ZNF331: variants seen among roughly 807,000 people sequenced by gnomAD.
The protein encoded by ZNF331 is zinc finger protein 331.
A neutral mutation model predicts 7.0 loss-of-function variants in ZNF331; 2 were observed. The ratio of observed to expected loss-of-function variants is 0.29; its 90% CI spans 0.12 to 0.90. The LOEUF is 0.90. ZNF331 is among the 40% of genes least tolerant of loss of function. The pLI is 0.58. For missense variants in ZNF331, 432 were observed against 587.7 expected (o/e 0.74, Z 2.74); for synonymous variants, 196 against 205.4 (o/e 0.95, Z 0.39).
chr19:53,567,849 A>G (rs1002584797), intron 3 of ZNF331, among the ~76,000 whole-genome samples: 10 of 151,774 alleles, frequency 6.6e-5, no homozygotes, highest in African/African-American at 2.4e-4. Flanking sequence ...TTAAAAAAAA[A>G]AAACAAAAAA....
chr19:53,533,561 A>C (rs8106930), upstream of ZNF331, among the ~76,000 whole-genome samples: 6,376 of 152,240 alleles, frequency 0.042, 469 homozygotes, highest in African/African-American at 0.15. Flanking sequence ...CTGCTGAATA[A>C]GTTGTCCTTT....
At chr19:53,521,381 T>A (rs1373535650) in exon 1 of ZNF331, 1 of 150,412 alleles carries the variant, frequency 6.6e-6, no homozygotes, top group African/African-American at 2.5e-5. Context: ...AGAGGCTGCC[T>A]GGTGGGGCCC....
upstream of ZNF331, among the ~76,000 whole-genome samples, chr19:53,515,469 C>T (rs1221238393): frequency 1.3e-5 from 2 of 152,152 alleles, no homozygotes; most frequent in African/African-American, 4.8e-5. Flanking sequence ...CTCCATCCTT[C>T]GTTCATTGTG....
At chr19:53,553,386 A>T (rs1331282883) in intron 2 of ZNF331, among the ~76,000 whole-genome samples, 2 of 152,134 alleles carry the variant, frequency 1.3e-5, no homozygotes, top group Non-Finnish European at 2.9e-5. Context: ...TATACTGTAT[A>T]CTATAATCAC....
At chr19:53,524,344 C>T (rs2087209758) in intron 2 of ZNF331, among the ~76,000 whole-genome samples, 1 of 152,216 alleles carries the variant, frequency 6.6e-6, no homozygotes, top group African/African-American at 2.4e-5. Context: ...GCCACACTGT[C>T]TTCCACAATG....
chr19:53,516,448 CAAA>C (rs34986946), upstream of ZNF331, among the ~76,000 whole-genome samples: 17 of 120,372 alleles, frequency 1.4e-4, no homozygotes, highest in South Asian at 2.7e-4. Context: ...GACTCCATCT[CAAA>C]AAAAAAAAAA....
At chr19:53,564,982 C>T (rs896056659) in intron 3 of ZNF331, among the ~76,000 whole-genome samples, 1 of 152,188 alleles carries the variant, frequency 6.6e-6, no homozygotes, top group Non-Finnish European at 1.5e-5. Context: ...CATTCATATA[C>T]TACTATAGCT....
At chr19:53,537,284 C>CA (rs925347189), upstream of ZNF331, 46 of 152,386 alleles carry the variant, frequency 3.0e-4, no homozygotes, top group African/African-American at 9.1e-4. Context: ...GAGCGGGACT[C>CA]ACGGGGCATA....
intron 4 of ZNF331, among the ~76,000 whole-genome samples, chr19:53,570,687 C>A (rs2090398440): frequency 6.6e-6 from 1 of 151,686 alleles, no homozygotes; most frequent in Non-Finnish European, 1.5e-5. Context: ...GATGCGCCGC[C>A]ACACCCAGCT....
At chr19:53,544,354 G>C (rs1336769412) in intron 2 of ZNF331, among the ~76,000 whole-genome samples, 1 of 151,126 alleles carries the variant, frequency 6.6e-6, no homozygotes, top group African/African-American at 2.4e-5. Context: ...GACCATCCTG[G>C]CTAACACGGT....
the ZNF331 span, among the ~76,000 whole-genome samples, chr19:53,505,725 G>A: frequency 2.1e-4 from 32 of 152,256 alleles, no homozygotes; most frequent in Non-Finnish European, 2.8e-4. Flanking sequence ...GGTGGCTCAC[G>A]CCTGTAATCC....
chr19:53,520,881 G>C (rs776637424), upstream of ZNF331: 1 of 151,646 alleles, frequency 6.6e-6, no homozygotes, highest in African/African-American at 2.4e-5. Context: ...GGATTTCCGG[G>C]TTATGGACTA....
intron 2 of ZNF331, among the ~76,000 whole-genome samples, chr19:53,544,002 G>A (rs1424700738): frequency 1.3e-5 from 2 of 152,170 alleles, no homozygotes; most frequent in South Asian, 4.2e-4. Context: ...GTCGAGGTGG[G>A]CAGATCACAA....
intron 2 of ZNF331, among the ~76,000 whole-genome samples, chr19:53,551,473 A>T (rs2089005745): frequency 6.6e-6 from 1 of 152,150 alleles, no homozygotes; most frequent in African/African-American, 2.4e-5. Flanking sequence ...TGGGGATGGG[A>T]GGGGTGTGCC....
At chr19:53,530,831 G>A (rs1262082284) in intron 2 of ZNF331, among the ~76,000 whole-genome samples, 1 of 152,236 alleles carries the variant, frequency 6.6e-6, no homozygotes, top group Non-Finnish European at 1.5e-5. Context: ...CGTGTGTGGG[G>A]TTGATGTGCC....
At chr19:53,561,457 T>C (rs1299408001) in intron 3 of ZNF331, among the ~76,000 whole-genome samples, 3 of 152,190 alleles carry the variant, frequency 2.0e-5, no homozygotes, top group Admixed American at 2.0e-4. Context: ...GTAATTAATG[T>C]TTCTAGTCCT....
At chr19:53,533,265 A>G (rs954198998), upstream of ZNF331, among the ~76,000 whole-genome samples, 1 of 152,100 alleles carries the variant, frequency 6.6e-6, no homozygotes, top group Admixed American at 6.5e-5. Context: ...GGTACTTATC[A>G]TGTTGTTTAA....
intron 3 of ZNF331, among the ~76,000 whole-genome samples, chr19:53,556,236 C>G (rs548574750): frequency 2.1e-3 from 216 of 103,920 alleles, no homozygotes; most frequent in Non-Finnish European, 1.8e-3. Flanking sequence ...CAGCGAGACT[C>G]CATCTCAAAA....
At chr19:53,552,818 C>G (rs989599996) in intron 2 of ZNF331, among the ~76,000 whole-genome samples, 1 of 152,040 alleles carries the variant, frequency 6.6e-6, no homozygotes, top group African/African-American at 2.4e-5. Flanking sequence ...ATAGTAACCA[C>G]AAACTTAAAA....
Sources: allele counts gnomAD v4.1 joint callset (sites outside exome capture counted in the v4.1 genomes callset), GRCh38; gene constraint gnomAD v4.1.1; transcripts MANE v1.5; gene names NCBI Gene and HGNC (gene_info 2026-07-23, HGNC 2026-07-21).